DBX2: variants seen among roughly 807,000 people sequenced by gnomAD.
DBX2 encodes the protein homeobox protein DBX2.
A neutral mutation model predicts 17.7 loss-of-function variants in DBX2; 16 were observed. The observed-to-expected ratio is 0.90, with a 90% CI of 0.61 to 1.37. The LOEUF is 1.37. DBX2 is among the 40% of genes most tolerant of loss of function. The pLI, the probability that DBX2 is intolerant of heterozygous loss-of-function variation, is 0.00. For missense variants in DBX2, 538 were observed against 433.8 expected, an observed-to-expected ratio of 1.24 and a Z score of -2.13; for synonymous variants, 255 against 183.8, an observed-to-expected ratio of 1.39 and a Z score of -3.13.
rs541326013 is a variant in DBX2, at chr12:45,051,007, G to T, written c.-80C>A. Reference sequence around the variant, plus strand: ...GGCGCCCCGCACCGCACCCAGAGCCGCAGCTTCTCGCCGCCGCCTCCCGCA... The same window carrying T: ...GGCGCCCCGCACCGCACCCAGAGCCTCAGCTTCTCGCCGCCGCCTCCCGCA... On this transcript the variant is annotated 5_prime_UTR_variant, in exon 1 of 4. Transcript: ENST00000332700. 1.9e-3 allele frequency: 2,472 copies of T among 1,308,580 alleles called. 8 individuals carry two copies. Among genetic ancestry groups the T allele is most frequent in the Non-Finnish European group, 2.2e-3 (2,254 of 1,032,586 alleles). The allele number at this position is 1,308,580 out of a possible 1,614,324, so 81.1% of individuals were successfully genotyped here.
chr12:45,040,218 A>G (rs1445617889), intron 1 of DBX2, among the ~76,000 whole-genome samples: 1 of 152,102 alleles, frequency 6.6e-6, no homozygotes, highest in Non-Finnish European at 1.5e-5. Flanking sequence ...GGCCTAGCCT[A>G]CCAGCCTACA....
At chr12:45,049,972 T>TTAA (rs1298915992) in intron 1 of DBX2, among the ~76,000 whole-genome samples, 1 of 151,986 alleles carries the variant, frequency 6.6e-6, no homozygotes, top group Non-Finnish European at 1.5e-5. Context: ...GATCCAAAAT[T>TTAA]TAAGAGTGGA....
At chr12:45,046,990 T>C (rs1361427301) in intron 1 of DBX2, among the ~76,000 whole-genome samples, 1 of 152,212 alleles carries the variant, frequency 6.6e-6, no homozygotes, top group Non-Finnish European at 1.5e-5. Context: ...AAGGAAATTA[T>C]ATTCAGGAAA....
chr12:45,021,304 C>G (rs942009930), intron 3 of DBX2, among the ~76,000 whole-genome samples: 1 of 152,120 alleles, frequency 6.6e-6, no homozygotes, highest in African/African-American at 2.4e-5. Context: ...TATGTAAAAC[C>G]ATGTGCCTAT....
At chr12:45,049,651 A>G (rs942221041) in intron 1 of DBX2, among the ~76,000 whole-genome samples, 6 of 142,388 alleles carry the variant, frequency 4.2e-5, no homozygotes, top group African/African-American at 1.6e-4. Context: ...AAGATCGTTT[A>G]AGGACGCAGC....
rs1946504318 is a variant in DBX2, at chr12:45,047,064, T to C, written c.403+3461A>G. On this transcript the variant is annotated intron_variant, in intron 1 of 3. Coordinates refer to ENST00000332700, the MANE Select transcript of DBX2 (RefSeq NM_001004329.3). ...AACAAATGTTATTAATAAACATGACTATTTGTTCCACTTATTTTGAAGAGA... is the reference window on the plus strand; with the variant it reads ...AACAAATGTTATTAATAAACATGACCATTTGTTCCACTTATTTTGAAGAGA... 1.3e-5 allele frequency among the ~76,000 whole-genome samples: 2 copies of C among 152,216 alleles called. 1 individual carries two copies. Among genetic ancestry groups the C allele is most frequent in the South Asian group, 4.1e-4 (2 of 4,834 alleles).
intron 2 of DBX2, among the ~76,000 whole-genome samples, chr12:45,035,264 G>T (rs1421391961): frequency 6.6e-6 from 1 of 152,170 alleles, no homozygotes; most frequent in Non-Finnish European, 1.5e-5. Flanking sequence ...TTTCTCTTGG[G>T]CAACTGAAAG....
intron 1 of DBX2, among the ~76,000 whole-genome samples, chr12:45,038,619 G>A (rs1946452976): frequency 1.3e-5 from 2 of 148,412 alleles, no homozygotes; most frequent in African/African-American, 5.0e-5. Flanking sequence ...CCTAAAAGTG[G>A]GAAAATAAAA....
In DBX2 at chr12:45,050,556, G is replaced by T. The variant is rs1340305775; in HGVS notation, c.372C>A (p.Asp124Glu). 1 of 1,552,906 alleles carries T rather than the reference G, an allele frequency of 6.4e-7. No homozygotes were observed. The highest frequency in any genetic ancestry group is 1.2e-5 in the South Asian group (1 of 84,210). ...CTGAAGGCTGGAAGGTACAGTCTCG[G>T]TCCCCCGGAGCCCGGCCCGGCAGCC... ...SARLPGRAPG[D>E]RDCTFQPSAP... The change falls in exon 1 of 4, where the codon GAC becomes GAA. Residue 124 changes from aspartate (D) to glutamate (E), a missense_variant. By Grantham distance (45) the Asp-to-Glu change is conservative (BLOSUM62 2). Transcript: ENST00000332700.
In DBX2 at chr12:45,014,817, A is replaced by G. The variant is rs1002021734; in HGVS notation, c.*1469T>C. The G allele has an allele frequency of 2.0e-5, 3 of 152,174 alleles. No individual in the cohort carries two copies. The highest frequency in any genetic ancestry group is 7.2e-5 in the African/African-American group (3 of 41,444). 9.4% of individuals were successfully genotyped at this position (152,174 alleles called of 1,614,324 possible). On this transcript the variant is annotated 3_prime_UTR_variant, in exon 4 of 4. Coordinates refer to ENST00000332700, the MANE Select transcript of DBX2 (RefSeq NM_001004329.3). The stretch of plus-strand genomic sequence containing the variant: ...GACACAGGTTGACATACCAAGTCCA[A>G]TTCTATTCGTACAAAATAATTTCCT...
Position 45,050,956 on chromosome 12 carries a change from C to A in DBX2, c.-29G>T. On this transcript the variant is annotated 5_prime_UTR_variant, in exon 1 of 4. Coordinates refer to ENST00000332700, the MANE Select transcript of DBX2 (RefSeq NM_001004329.3). Reference sequence around the variant, plus strand: ...GCGGCGCCAACCGGTCTGCTGCGCGCCCGCCTTGCGCCCGCCTGTCGCCCG... The same window carrying A: ...GCGGCGCCAACCGGTCTGCTGCGCGACCGCCTTGCGCCCGCCTGTCGCCCG... 2 of 1,398,324 alleles carry A rather than the reference C, an allele frequency of 1.4e-6. No homozygotes were observed. Among genetic ancestry groups the A allele is most frequent in the Non-Finnish European group, 9.3e-7 (1 of 1,076,170 alleles). 86.6% of individuals were successfully genotyped at this position (1,398,324 alleles called of 1,614,324 possible).
intron 1 of DBX2, among the ~76,000 whole-genome samples, chr12:45,043,812 G>A (rs1399732468): frequency 6.6e-6 from 1 of 152,202 alleles, no homozygotes; most frequent in African/African-American, 2.4e-5. Context: ...ATGGTGAAAT[G>A]GTGGGAAGGA....
At position 45,029,677 on chromosome 12, in the gene DBX2, C is replaced by T. The variant is rs536696965; in HGVS notation, c.500-5783G>A. Among the ~76,000 whole-genome samples the T allele has an allele frequency of 2.0e-5, 3 of 151,842 alleles. No individual in the cohort carries two copies. The South Asian group carries it at 6.2e-4, about 32-fold the overall frequency. ...GTCAGGAGTTTGAGACCAGCCTGGC[C>T]AACACGGTGAAACCGTCTCTACTAA... is the stretch of plus-strand genomic sequence containing the variant. On this transcript the variant is annotated intron_variant, in intron 2 of 3. Transcript: ENST00000332700.
chr12:45,029,355 A>C (rs912480386), intron 2 of DBX2, among the ~76,000 whole-genome samples: 3 of 152,190 alleles, frequency 2.0e-5, no homozygotes, highest in African/African-American at 7.2e-5. Flanking sequence ...ATGTCATGTA[A>C]TCTTTACAAC....
intron 3 of DBX2, among the ~76,000 whole-genome samples, chr12:45,020,606 G>T (rs1470149580): frequency 6.6e-6 from 1 of 151,006 alleles, no homozygotes; most frequent in Non-Finnish European, 1.5e-5. Flanking sequence ...GATTTGTACT[G>T]TTCTTTAGAA....
chr12:45,018,816 A>G (rs1946336483), intron 3 of DBX2, among the ~76,000 whole-genome samples: 1 of 152,126 alleles, frequency 6.6e-6, no homozygotes, highest in South Asian at 2.1e-4. Context: ...AGCCTTGAAA[A>G]GGAAGGAAAT....
At position 45,016,439 on chromosome 12, in the gene DBX2, T is replaced by C; in HGVS notation, c.867A>G (p.Pro289=). Residue 289 remains proline, a synonymous_variant, in exon 4 of 4, where the codon CCA becomes CCG. Coordinates refer to ENST00000332700, the MANE Select transcript of DBX2 (RefSeq NM_001004329.3). ...IWDVPQQHSS[P]RWRENSPEPS... is the part of the protein sequence containing the mutation. ...GTTCTGGAGAATTCTCCCTCCATCT[T>C]GGACTTGAGTGCTGTTGGGGGACGT... The C allele has an allele frequency of 6.2e-7, 1 of 1,614,050 alleles. No homozygotes were observed. The highest frequency in any genetic ancestry group is 8.5e-7 in the Non-Finnish European group (1 of 1,179,960).
At position 45,023,497 on chromosome 12, in the gene DBX2, C is replaced by T. The variant is rs543497479; in HGVS notation, c.687+210G>A. On this transcript the variant is annotated intron_variant, in intron 3 of 3. Coordinates refer to ENST00000332700, the MANE Select transcript of DBX2 (RefSeq NM_001004329.3). The stretch of plus-strand genomic sequence containing the variant: ...ATAGGAAATGGGACATACATCTCCA[C>T]CCACTAAAAAATTATGAAAAGCATT... Among the ~76,000 whole-genome samples the T allele has an allele frequency of 1.4e-3, 214 of 152,296 alleles. 1 individual carries two copies. The highest frequency in any genetic ancestry group is 3.8e-3 in the Admixed American group (58 of 15,296).
At chr12:45,038,029 A>T (rs988246471) in intron 1 of DBX2, among the ~76,000 whole-genome samples, 2 of 152,064 alleles carry the variant, frequency 1.3e-5, no homozygotes, top group East Asian at 3.8e-4. Flanking sequence ...TCTTATATTG[A>T]CTATAAAACT....
Sources: gnomAD v4.1 joint callset for allele counts (sites outside exome capture counted in the v4.1 genomes callset) on GRCh38, gnomAD v4.1.1 for gene constraint, MANE v1.5 for transcripts, NCBI Gene and HGNC (gene_info 2026-07-23, HGNC 2026-07-21) for gene names.